The following POU6F2 variants were observed in gnomAD, a reference collection of about 807,000 sequenced individuals.
The protein encoded by POU6F2 is POU class 6 homeobox 2.
In POU6F2, 31 loss-of-function variants were observed where a neutral mutation model predicts 71.3. The observed-to-expected ratio is 0.43, with a 90% CI of 0.33 to 0.59. The LOEUF (loss-of-function observed/expected upper bound fraction) is 0.59. POU6F2 is among the 20% of genes least tolerant of loss of function. POU6F2 has a pLI of 0.04. For synonymous variants in POU6F2, 347 were observed against 355.7 expected (o/e 0.98, Z 0.27); for missense variants, 783 against 856.8 (o/e 0.91, Z 1.07).
intron 1 of POU6F2, among the ~76,000 whole-genome samples, chr7:39,020,598 C>T (rs1789661972): frequency 6.6e-6 from 1 of 152,058 alleles, no homozygotes; most frequent in Admixed American, 6.6e-5. Flanking sequence ...AATGTTTCCT[C>T]TTTTACTCTT....
chr7:39,030,555 C>CAT (rs1164717389), intron 1 of POU6F2, among the ~76,000 whole-genome samples: 1 of 86,922 alleles, frequency 1.2e-5, no homozygotes, highest in Non-Finnish European at 2.4e-5. Flanking sequence ...CACACACATA[C>CAT]ATATATTCCA....
In POU6F2 at chr7:39,097,372, C is replaced by T. The variant is rs1791476065; in HGVS notation, c.277+11341C>T. Among the ~76,000 whole-genome samples, 5 of 152,212 alleles carry T rather than the reference C, an allele frequency of 3.3e-5. No individual in the cohort carries two copies. The South Asian group carries it at 1.0e-3, about 32-fold the overall frequency. On this transcript the variant is annotated intron_variant, in intron 2 of 9. Transcript: ENST00000518318. ...TTGATGAAAATAAAACCATGATATC[C>T]TGGGATCATTTCTATATTGAATCTT...
At chr7:39,354,286 C>T (rs1437689339) in intron 5 of POU6F2, among the ~76,000 whole-genome samples, 1 of 152,214 alleles carries the variant, frequency 6.6e-6, no homozygotes, top group Non-Finnish European at 1.5e-5. Context: ...CATTTAACCT[C>T]CTTTTAGTTT....
intron 4 of POU6F2, among the ~76,000 whole-genome samples, chr7:39,221,973 TATATTTTTTTCTGGG>T (rs1794371786): frequency 6.6e-6 from 1 of 152,200 alleles, no homozygotes; most frequent in Admixed American, 6.5e-5. Flanking sequence ...ACAAATAAGC[TATATTTTTTTCTGGG>T]ATTAAAAAAA....
chr7:39,352,314 T>G (rs1043498549), intron 5 of POU6F2, among the ~76,000 whole-genome samples: 2 of 152,190 alleles, frequency 1.3e-5, no homozygotes, highest in African/African-American at 4.8e-5. Context: ...TATAGGACTG[T>G]GAAGATCACA....
At chr7:39,102,135 G>A (rs1791587016) in intron 2 of POU6F2, among the ~76,000 whole-genome samples, 1 of 152,082 alleles carries the variant, frequency 6.6e-6, no homozygotes, top group Non-Finnish European at 1.5e-5. Context: ...TAGGTGAAAG[G>A]GCCAGGTGCA....
chr7:39,000,358 T>C (rs964910087), intron 1 of POU6F2, among the ~76,000 whole-genome samples: 2 of 152,288 alleles, frequency 1.3e-5, no homozygotes, highest in South Asian at 2.1e-4. Flanking sequence ...TATAAGGCTT[T>C]TACTTCTAGC....
chr7:39,345,015 T>C (rs1291459138), intron 5 of POU6F2, among the ~76,000 whole-genome samples: 1 of 152,138 alleles, frequency 6.6e-6, no homozygotes, highest in African/African-American at 2.4e-5. Flanking sequence ...ATTCAGATAA[T>C]GTTTGAATGA....
chr7:39,377,157 G>A (rs745626603), intron 5 of POU6F2, among the ~76,000 whole-genome samples: 73 of 150,516 alleles, frequency 4.8e-4, no homozygotes, highest in Non-Finnish European at 8.9e-4. Flanking sequence ...TTGAGATGGA[G>A]TCTCATTCTG....
intron 2 of POU6F2, among the ~76,000 whole-genome samples, chr7:39,099,046 G>A (rs956377817): frequency 1.3e-5 from 2 of 152,104 alleles, no homozygotes; most frequent in Non-Finnish European, 2.9e-5. Flanking sequence ...TTCTCTTCAA[G>A]TTCATTCAGG....
chr7:39,168,697 C>T (rs889575911), intron 2 of POU6F2, among the ~76,000 whole-genome samples: 1 of 152,164 alleles, frequency 6.6e-6, no homozygotes, highest in African/African-American at 2.4e-5. Flanking sequence ...ATTCCTAATA[C>T]AAGACAGTGG....
chr7:39,004,048 G>A (rs960623651), intron 1 of POU6F2, among the ~76,000 whole-genome samples: 4 of 151,974 alleles, frequency 2.6e-5, no homozygotes, highest in African/African-American at 7.3e-5. Flanking sequence ...ACATATAAAC[G>A]TTTATATATA....
At chr7:39,030,539 T>TATATATATAC (rs1789916965) in intron 1 of POU6F2, among the ~76,000 whole-genome samples, 1 of 123,954 alleles carries the variant, frequency 8.1e-6, no homozygotes, top group Non-Finnish European at 1.7e-5. Flanking sequence ...TATATATATA[T>TATATATATAC]ATATACACAC....
At chr7:39,097,193 G>A (rs1791472820) in intron 2 of POU6F2, among the ~76,000 whole-genome samples, 1 of 151,770 alleles carries the variant, frequency 6.6e-6, no homozygotes, top group Non-Finnish European at 1.5e-5. Context: ...AAATAAAAGG[G>A]TTATTATTAT....
chr7:39,431,228 C>G (rs2116020639), intron 6 of POU6F2, among the ~76,000 whole-genome samples: 1 of 152,270 alleles, frequency 6.6e-6, no homozygotes, highest in South Asian at 2.1e-4. Flanking sequence ...TTATTGGCCT[C>G]CATTGACAAA....
At chr7:39,276,500 C>T (rs969477346) in intron 4 of POU6F2, among the ~76,000 whole-genome samples, 2 of 151,184 alleles carry the variant, frequency 1.3e-5, no homozygotes, top group African/African-American at 4.9e-5. Flanking sequence ...GTGGCGATTC[C>T]TCAGGGATCT....
At chr7:39,056,007 TC>T (rs777683861) in intron 1 of POU6F2, among the ~76,000 whole-genome samples, 7 of 133,332 alleles carry the variant, frequency 5.3e-5, no homozygotes, top group Non-Finnish European at 1.1e-4. Context: ...ATCTCTTTAA[TC>T]TTTAAAAAAA....
intron 4 of POU6F2, among the ~76,000 whole-genome samples, chr7:39,335,370 C>G (rs1289884325): frequency 2.6e-5 from 4 of 152,216 alleles, no homozygotes; most frequent in Admixed American, 6.5e-5. Flanking sequence ...TGAGGTACAA[C>G]TGTACACTTT....
chr7:39,017,562 G>A (rs1584502067), intron 1 of POU6F2, among the ~76,000 whole-genome samples: 1 of 152,220 alleles, frequency 6.6e-6, no homozygotes, highest in South Asian at 2.1e-4. Flanking sequence ...ATCACCCAGA[G>A]TAGGAGTCAC....
Sources: gnomAD v4.1 joint callset for allele counts (sites outside exome capture counted in the v4.1 genomes callset) on GRCh38, gnomAD v4.1.1 for gene constraint, MANE v1.5 for transcripts, NCBI Gene and HGNC (gene_info 2026-07-23, HGNC 2026-07-21) for gene names.